Variants in LRRC4C observed in about 807,000 individuals in gnomAD.
LRRC4C encodes the protein leucine-rich repeat-containing protein 4C.
In LRRC4C, 5 loss-of-function variants were observed where a neutral mutation model predicts 33.6. The ratio of observed to expected loss-of-function variants is 0.15; its 90% CI spans 0.08 to 0.31. The LOEUF (loss-of-function observed/expected upper bound fraction) is 0.31, where lower values mean the gene tolerates loss of function less well. LRRC4C is among the 10% of genes least tolerant of loss of function. The pLI, the probability that LRRC4C is intolerant of heterozygous loss-of-function variation, is 1.00. For synonymous variants in LRRC4C, 329 were observed against 302.0 expected (o/e 1.09, Z -0.93); for missense variants, 560 against 796.7 (o/e 0.70, Z 3.58).
chr11:40,733,096 G>A (rs1281934856), intron 2 of LRRC4C, among the ~76,000 whole-genome samples: 1 of 84,828 alleles, frequency 1.2e-5, no homozygotes, highest in African/African-American at 4.3e-5. Context: ...TTTTTTTTGA[G>A]ATGGAGTCTC....
At chr11:40,725,454 G>T (rs1198831990) in intron 2 of LRRC4C, among the ~76,000 whole-genome samples, 1 of 151,694 alleles carries the variant, frequency 6.6e-6, no homozygotes, top group African/African-American at 2.4e-5. Flanking sequence ...CTTGCAGTGA[G>T]GCAGTGAGCC....
intron 2 of LRRC4C, among the ~76,000 whole-genome samples, chr11:40,734,915 T>C (rs1030215228): frequency 3.3e-5 from 5 of 151,962 alleles, no homozygotes; most frequent in Non-Finnish European, 5.9e-5. Flanking sequence ...CCACCCGCAA[T>C]GTGCGCAAGA....
intron 1 of LRRC4C, among the ~76,000 whole-genome samples, chr11:41,080,148 G>T (rs1329643917): frequency 6.6e-6 from 1 of 151,956 alleles, no homozygotes; most frequent in Non-Finnish European, 1.5e-5. Context: ...ATCTGTAAAT[G>T]GTACTCTGTA....
chr11:40,471,632 T>TA (rs1226318762), intron 3 of LRRC4C, among the ~76,000 whole-genome samples: 1 of 140,754 alleles, frequency 7.1e-6, no homozygotes, highest in African/African-American at 2.6e-5. Flanking sequence ...AAGACACACA[T>TA]AAGCTCAAAA....
intron 1 of LRRC4C, among the ~76,000 whole-genome samples, chr11:41,215,313 C>A (rs1188869272): frequency 2.0e-5 from 3 of 151,560 alleles, no homozygotes; most frequent in African/African-American, 7.3e-5. Flanking sequence ...CATGGTGAAA[C>A]CCTGCCTCTA....
intron 2 of LRRC4C, among the ~76,000 whole-genome samples, chr11:40,658,795 T>C (rs1228102614): frequency 6.6e-6 from 1 of 152,232 alleles, no homozygotes. Context: ...ACAATGGAAA[T>C]GCATATGGTC....
chr11:40,526,569 A>T (rs1321127275), intron 3 of LRRC4C, among the ~76,000 whole-genome samples: 1 of 152,140 alleles, frequency 6.6e-6, no homozygotes, highest in Admixed American at 6.5e-5. Flanking sequence ...GAAAATACCA[A>T]ATATTGGGGG....
chr11:40,115,642 C>G lies in LRRC4C; in HGVS notation c.651G>C (p.Pro217=). Reference sequence around the variant, plus strand: ...GATCCAGCTCATCTAGTTTTATGAGCGGTGTGAGGTTAGGGATTTCCCGAA... The same window carrying G: ...GATCCAGCTCATCTAGTTTTATGAGGGGTGTGAGGTTAGGGATTTCCCGAA... The part of the protein sequence containing the change: ...CNLREIPNLT[P]LIKLDELDLS... The change falls in exon 7 of 7, where the codon CCG becomes CCC. Residue 217 remains proline (P), a synonymous_variant. Coordinates refer to ENST00000528697, the MANE Select transcript of LRRC4C (RefSeq NM_001258419.2). This position sits in a 1 kb window ranked among gnomAD's most constrained non-coding sequence, Gnocchi z 6.7. 1.2e-6 allele frequency: 2 copies of G among 1,614,104 alleles called. No individual in the cohort carries two copies. Among genetic ancestry groups the G allele is most frequent in the Non-Finnish European group, 1.7e-6 (2 of 1,180,012 alleles).
At chr11:40,894,616 G>C (rs1226811712) in intron 2 of LRRC4C, among the ~76,000 whole-genome samples, 1 of 152,080 alleles carries the variant, frequency 6.6e-6, no homozygotes, top group East Asian at 1.9e-4. Context: ...TATTTCCTAA[G>C]AACAGAAATA....
intron 3 of LRRC4C, among the ~76,000 whole-genome samples, chr11:40,473,487 T>G (rs1271182968): frequency 6.6e-6 from 1 of 151,934 alleles, no homozygotes; most frequent in Non-Finnish European, 1.5e-5. Flanking sequence ...AAACCCACAG[T>G]CAATATCACA....
At chr11:41,042,940 A>C (rs549640453) in intron 1 of LRRC4C, among the ~76,000 whole-genome samples, 1 of 151,286 alleles carries the variant, frequency 6.6e-6, no homozygotes, top group South Asian at 2.1e-4. Context: ...GGCAATTACT[A>C]GATGAAAGGA....
At chr11:40,926,219 C>A (rs907610473) in intron 2 of LRRC4C, among the ~76,000 whole-genome samples, 1 of 152,114 alleles carries the variant, frequency 6.6e-6, no homozygotes. Flanking sequence ...GGCAGCAATG[C>A]CTACTAGGGA....
At chr11:41,406,412 A>G (rs1483960733) in intron 1 of LRRC4C, among the ~76,000 whole-genome samples, 1 of 152,098 alleles carries the variant, frequency 6.6e-6, no homozygotes, top group Non-Finnish European at 1.5e-5. Context: ...AAATATATAC[A>G]AAGTTGATTT....
chr11:41,444,201 G>A (rs1004365905), intron 1 of LRRC4C, among the ~76,000 whole-genome samples: 2 of 152,134 alleles, frequency 1.3e-5, no homozygotes, highest in African/African-American at 4.8e-5. Context: ...GTATGTGTGG[G>A]TTCTGAACCA....
intron 3 of LRRC4C, among the ~76,000 whole-genome samples, chr11:40,430,015 G>C (rs538252737): frequency 2.5e-4 from 38 of 152,140 alleles, no homozygotes; most frequent in African/African-American, 8.9e-4. Flanking sequence ...CTTCATCTTG[G>C]CTTTGCCTTC....
intron 2 of LRRC4C, among the ~76,000 whole-genome samples, chr11:40,850,716 A>C (rs1953440939): frequency 6.6e-6 from 1 of 152,144 alleles, no homozygotes; most frequent in African/African-American, 2.4e-5. Context: ...AAGTCTGCTG[A>C]AGTTGTACCC....
intron 3 of LRRC4C, among the ~76,000 whole-genome samples, chr11:40,451,366 CTTTTTTTTTTTTTTTT>C (rs71060962): frequency 1.0e-3 from 48 of 47,088 alleles, no homozygotes; most frequent in South Asian, 4.2e-3. Flanking sequence ...GAAATAATGA[CTTTTTTTTTTTTTTTT>C]TTTTTTTTTT....
intron 2 of LRRC4C, among the ~76,000 whole-genome samples, chr11:40,780,876 G>C (rs1950185394): frequency 1.3e-5 from 2 of 151,788 alleles, no homozygotes; most frequent in African/African-American, 4.8e-5. Context: ...GGAGTGGAAA[G>C]GGAGGGAGGA....
chr11:41,200,425 G>A (rs565739259), intron 1 of LRRC4C, among the ~76,000 whole-genome samples: 57 of 152,184 alleles, frequency 3.7e-4, no homozygotes, highest in African/African-American at 1.3e-3. Flanking sequence ...AATTTTATCT[G>A]GTTCTGCATT....
Sources: allele counts gnomAD v4.1 joint callset (sites outside exome capture counted in the v4.1 genomes callset), GRCh38; gene constraint gnomAD v4.1.1; non-coding constraint Gnocchi (gnomAD v3.1); transcripts MANE v1.5; gene names NCBI Gene and HGNC (gene_info 2026-07-23, HGNC 2026-07-21).